The following ZNF461 variants were observed in gnomAD, a reference collection of about 807,000 sequenced individuals.
ZNF461 encodes the protein gonadotropin-inducible ovarian transcription factor-1.
ZNF461 carries 16 observed loss-of-function variants against 18.3 expected under a neutral mutation model. That is an observed-to-expected ratio of 0.88 (90% confidence interval 0.59 to 1.33). The LOEUF (loss-of-function observed/expected upper bound fraction) is 1.33, where lower values mean the gene tolerates loss of function less well. ZNF461 is among the 40% of genes most tolerant of loss of function. The probability of loss-of-function intolerance (pLI) is 0.00; values close to 1 mark genes in which losing one functional copy is unlikely to be tolerated. For synonymous variants in ZNF461, 179 were observed against 216.9 expected, an observed-to-expected ratio of 0.83 and a Z score of 1.54; for missense variants, 595 against 669.9, an observed-to-expected ratio of 0.89 and a Z score of 1.23.
chr19:36,638,876 A>G lies in ZNF461; in HGVS notation c.1469T>C (p.Ile490Thr), dbSNP rs2037350919. The change falls in exon 6 of 6, where the codon ATT becomes ACT. Residue 490 changes from isoleucine to threonine, a missense_variant. Coordinates refer to ENST00000588268, the MANE Select transcript of ZNF461 (RefSeq NM_153257.5). Reference sequence around the variant, plus strand: ...TTCATAGGGTTTCTCACCAGTATGAATTCTTTGATGTTGAATAAGGTGTGA... The same window carrying G: ...TTCATAGGGTTTCTCACCAGTATGAGTTCTTTGATGTTGAATAAGGTGTGA... ...LHSHLIQHQR[I>T]HTGEKPYECK... 1 of 1,605,988 alleles carries G rather than the reference A, an allele frequency of 6.2e-7. No individual in the cohort carries two copies. Among genetic ancestry groups the G allele is most frequent in the Non-Finnish European group, 8.5e-7 (1 of 1,174,688 alleles).
Position 36,639,233 on chromosome 19 carries a change from T to C in ZNF461, c.1112A>G (p.His371Arg), listed in dbSNP as rs1330451189. 5 of 1,614,140 alleles carry C rather than the reference T, an allele frequency of 3.1e-6. No homozygotes were observed. The highest frequency in any genetic ancestry group is 2.2e-5 in the East Asian group (1 of 44,866). Residue 371 changes from histidine (H) to arginine (R), a missense_variant, in exon 6 of 6, where the codon CAT becomes CGT. Coordinates refer to ENST00000588268, the MANE Select transcript of ZNF461 (RefSeq NM_153257.5). ...ATGAATTCTCTGATGTATAGTAAGA[T>C]GTGAGCGATGCCTAAAAGTCTTTCC... ...ECGKTFRHRS[H>R]LTIHQRIHTG...
chr19:36,639,708 TTC>T lies in ZNF461; in HGVS notation c.635_636del (p.Arg212AsnfsTer4). ...SYHLFFSHHK[R>X]THSKELSECK... ...CATTCAGAAAGTTCTTTAGAATGAGTTCTTTTGTGGTGACTAAAAAATAAATG... is the reference window on the plus strand; with the variant it reads ...CATTCAGAAAGTTCTTTAGAATGAGTTTTTGTGGTGACTAAAAAATAAATG... On this transcript the variant is annotated frameshift_variant, in exon 6 of 6. Transcript: ENST00000588268. LOFTEE classifies it low-confidence loss of function (END_TRUNC). The T allele has an allele frequency of 6.2e-7, 1 of 1,613,728 alleles. No homozygotes were observed. The highest frequency in any genetic ancestry group is 8.5e-7 in the Non-Finnish European group (1 of 1,179,688).
At position 36,656,504 on chromosome 19, in the gene ZNF461, T is replaced by C; in HGVS notation, c.176A>G (p.Glu59Gly). ...AACCATCCAGGGCTCCTTCCCTTGC[T>C]CCAATGAGGAGATTACGGCTGGCTT... ...VSKPAVISSL[E>G]QGKEPWMVVR... The change falls in exon 4 of 6, where the codon GAG becomes GGG. Residue 59 changes from glutamate (E) to glycine (G), a missense_variant. Coordinates refer to ENST00000588268, the MANE Select transcript of ZNF461 (RefSeq NM_153257.5). 1 of 1,614,164 alleles carries C rather than the reference T, an allele frequency of 6.2e-7. No homozygotes were observed. The highest frequency in any genetic ancestry group is 8.5e-7 in the Non-Finnish European group (1 of 1,180,030).
At chr19:36,653,079 T>C (rs893484349) in intron 4 of ZNF461, among the ~76,000 whole-genome samples, 13 of 152,182 alleles carry the variant, frequency 8.5e-5, no homozygotes, top group Non-Finnish European at 2.9e-5. Flanking sequence ...GAAAAACAAT[T>C]AGAACACCAA....
intron 4 of ZNF461, among the ~76,000 whole-genome samples, chr19:36,644,776 T>G (rs1043526205): frequency 6.6e-6 from 1 of 151,902 alleles, no homozygotes; most frequent in African/African-American, 2.4e-5. Flanking sequence ...TTTGTATTTT[T>G]AGTAGAGACG....
intron 4 of ZNF461, among the ~76,000 whole-genome samples, chr19:36,645,453 A>G (rs1471764367): frequency 6.6e-6 from 1 of 152,188 alleles, no homozygotes; most frequent in Non-Finnish European, 1.5e-5. Context: ...AAATTTCTCA[A>G]TATTTGTTTT....
At chr19:36,649,641 C>G (rs567216994) in intron 4 of ZNF461, among the ~76,000 whole-genome samples, 1 of 152,010 alleles carries the variant, frequency 6.6e-6, no homozygotes, top group Non-Finnish European at 1.5e-5. Flanking sequence ...TGAGCCACCA[C>G]GCCTGGCTGA....
chr19:36,645,671 A>G (rs1440134336), intron 4 of ZNF461, among the ~76,000 whole-genome samples: 2 of 152,196 alleles, frequency 1.3e-5, no homozygotes, highest in Non-Finnish European at 2.9e-5. Flanking sequence ...ACAAAAAAAC[A>G]TGTACCTTCA....
At position 36,639,697 on chromosome 19, in the gene ZNF461, T is replaced by G. The variant is rs556516008; in HGVS notation, c.648A>C (p.Lys216Asn). The change falls in exon 6 of 6, where the codon AAA becomes AAC. Residue 216 changes from lysine to asparagine, a missense_variant. Physicochemically the swap from Lys to Asn is moderately conservative, Grantham distance 94 (BLOSUM62 0). Transcript: ENST00000588268. The stretch of plus-strand genomic sequence containing the variant: ...TGCATTCTTTACATTCAGAAAGTTC[T>G]TTAGAATGAGTTCTTTTGTGGTGAC... ...FFSHHKRTHS[K>N]ELSECKECTE... is the part of the protein sequence containing the mutation. 3 of 1,613,846 alleles carry G rather than the reference T, an allele frequency of 1.9e-6. No individual in the cohort carries two copies. In the African/African-American group the frequency reaches 4.0e-5, roughly 21 times the overall value.
chr19:36,662,665 CTTAT>C (rs2037838454), intron 2 of ZNF461, among the ~76,000 whole-genome samples: 1 of 152,144 alleles, frequency 6.6e-6, no homozygotes, highest in Non-Finnish European at 1.5e-5. Context: ...TGTTCCCATA[CTTAT>C]TAAGACATAA....
At chr19:36,648,604 C>T (rs1252462926) in intron 4 of ZNF461, among the ~76,000 whole-genome samples, 1 of 151,842 alleles carries the variant, frequency 6.6e-6, no homozygotes, top group African/African-American at 2.4e-5. Flanking sequence ...GTTTTTCAGA[C>T]TGAGTCTCGT....
chr19:36,658,557 G>C lies in ZNF461; in HGVS notation c.10-132C>G. On this transcript the variant is annotated intron_variant, in intron 2 of 5. Transcript: ENST00000588268. ...AATATATAGGCTAAGCCTGGGACAT[G>C]GGTCAAAGAGGAATTTAGTGTGACT... 4 of 849,828 alleles carry C rather than the reference G, an allele frequency of 4.7e-6. No individual in the cohort carries two copies. The South Asian group carries it at 7.5e-5, about 16-fold the overall frequency. 52.6% of individuals were successfully genotyped at this position (849,828 alleles called of 1,614,324 possible).
At chr19:36,649,625 C>CTGGA (rs2037590795) in intron 4 of ZNF461, among the ~76,000 whole-genome samples, 1 of 152,126 alleles carries the variant, frequency 6.6e-6, no homozygotes, top group African/African-American at 2.4e-5. Flanking sequence ...GCCACTGCGC[C>CTGGA]CGGCCTGAGC....
chr19:36,640,546 G>T (rs1204657360), intron 5 of ZNF461, among the ~76,000 whole-genome samples: 4 of 152,166 alleles, frequency 2.6e-5, no homozygotes, highest in Admixed American at 2.6e-4. Context: ...AGCTGAGAAT[G>T]CCATGCAACT....
intron 4 of ZNF461, among the ~76,000 whole-genome samples, chr19:36,648,420 AATACCTTGTACCATTTTACATTCTC>A (rs1334496895): frequency 2.6e-5 from 4 of 152,216 alleles, no homozygotes; most frequent in African/African-American, 7.2e-5. Context: ...AGAATGATCT[AATACCTTGTACCATTTTACATTCTC>A]ACCAATAGTG....
At chr19:36,650,837 C>T (rs2145390674) in intron 4 of ZNF461, among the ~76,000 whole-genome samples, 1 of 146,236 alleles carries the variant, frequency 6.8e-6, no homozygotes, top group East Asian at 2.0e-4. Context: ...AGAAAAATAA[C>T]ATGATCACAT....
At chr19:36,652,890 A>C (rs1187201990) in intron 4 of ZNF461, among the ~76,000 whole-genome samples, 1 of 152,216 alleles carries the variant, frequency 6.6e-6, no homozygotes, top group Non-Finnish European at 1.5e-5. Context: ...AAGAACTTTG[A>C]AAACTCAACA....
At chr19:36,649,529 C>T (rs2037589296) in intron 4 of ZNF461, among the ~76,000 whole-genome samples, 1 of 152,060 alleles carries the variant, frequency 6.6e-6, no homozygotes, top group Admixed American at 6.5e-5. Context: ...TGGGGTTTCA[C>T]CATGTTGGCC....
At chr19:36,656,898 C>A (rs375877999) in intron 3 of ZNF461, among the ~76,000 whole-genome samples, 1 of 151,270 alleles carries the variant, frequency 6.6e-6, no homozygotes. Context: ...TGGCTGACTG[C>A]AACCTCCACT....
Sources: allele counts gnomAD v4.1 joint callset (sites outside exome capture counted in the v4.1 genomes callset), GRCh38; gene constraint gnomAD v4.1.1; transcripts MANE v1.5; gene names NCBI Gene and HGNC (gene_info 2026-07-23, HGNC 2026-07-21).